The following DIXDC1 variants were observed in gnomAD, a reference collection of about 807,000 sequenced individuals.
DIXDC1 encodes DIX domain containing 1.
Under a neutral mutation model 103.1 loss-of-function variants are expected in DIXDC1, and 64 were observed. The observed-to-expected ratio is 0.62, with a 90% CI of 0.51 to 0.76. The LOEUF is 0.76. Among genes scored for constraint, DIXDC1 ranks in the 30% least tolerant of loss-of-function variants. The pLI, the probability that DIXDC1 is intolerant of heterozygous loss-of-function variation, is 0.00. For synonymous variants in DIXDC1, 266 were observed against 298.5 expected (o/e 0.89, Z 1.12); for missense variants, 759 against 834.2 (o/e 0.91, Z 1.11).
Position 112,018,958 on chromosome 11 carries a change from T to C in DIXDC1, c.1974T>C (p.Ile658=). Residue 658 remains isoleucine (I), a splice_region_variant and synonymous_variant, in exon 20 of 20, where the codon ATT becomes ATC. Coordinates refer to ENST00000440460, the MANE Select transcript of DIXDC1 (RefSeq NM_001037954.4). ...DPEFGTVKEE[I]FHDDDAIPGW... ...TGGCTTTTTGTTTTTTTCTCTAGAT[T>C]TTCCATGATGATGATGCCATCCCTG... 6.2e-7 allele frequency: 1 copy of C among 1,613,472 alleles called. No individual in the cohort carries two copies. The highest frequency in any genetic ancestry group is 8.5e-7 in the Non-Finnish European group (1 of 1,179,596).
At chr11:111,967,466 TTC>T (rs1555171681) in intron 2 of DIXDC1, among the ~76,000 whole-genome samples, 1 of 152,262 alleles carries the variant, frequency 6.6e-6, no homozygotes, top group African/African-American at 2.4e-5. Context: ...GATATCTAAC[TTC>T]TCATCAGTCA....
At chr11:111,997,819 T>C (rs1436244630) in intron 17 of DIXDC1, among the ~76,000 whole-genome samples, 5 of 152,226 alleles carry the variant, frequency 3.3e-5, no homozygotes, top group African/African-American at 9.6e-5. Context: ...AAGATGTTAA[T>C]CTAATGCTTC....
chr11:112,017,781 G>A lies in DIXDC1; in HGVS notation c.1867G>A (p.Glu623Lys). The A allele has an allele frequency of 6.2e-7, 1 of 1,608,168 alleles. No homozygotes were observed. The highest frequency in any genetic ancestry group is 8.5e-7 in the Non-Finnish European group (1 of 1,176,886). ...TGCTCTCTCCTTGTGTTGCAGGTTG[G>A]AGGAGGTGACGTTAAAGGATTTTAA... is the stretch of plus-strand genomic sequence containing the variant. ...PFMVNIPKRL[E>K]EVTLKDFKAA... The change falls in exon 19 of 20, where the codon GAG becomes AAG. Residue 623 changes from glutamate (E) to lysine (K), a missense_variant. By Grantham distance (56) the Glu-to-Lys change is moderately conservative. Transcript: ENST00000440460. This position sits in a 1 kb window ranked among gnomAD's most constrained non-coding sequence, Gnocchi z 4.0.
At chr11:111,947,738 G>A (rs782356593) in intron 1 of DIXDC1, among the ~76,000 whole-genome samples, 5 of 152,194 alleles carry the variant, frequency 3.3e-5, no homozygotes, top group Non-Finnish European at 5.9e-5. Context: ...AGCTCTGATC[G>A]CTGTTAGATG....
chr11:111,997,019 T>C (rs1431435758), intron 17 of DIXDC1, among the ~76,000 whole-genome samples: 1 of 152,220 alleles, frequency 6.6e-6, no homozygotes, highest in African/African-American at 2.4e-5. Flanking sequence ...CCTGGTAATT[T>C]CTATTTTAGT....
chr11:111,934,704 G>A (rs587642358), upstream of DIXDC1, among the ~76,000 whole-genome samples: 3 of 152,052 alleles, frequency 2.0e-5, no homozygotes, highest in East Asian at 5.8e-4. Context: ...GAGCCACTTT[G>A]TAAGGCCAAC....
At chr11:112,016,822 C>A in intron 18 of DIXDC1, 26 bp downstream of exon 18, 1 of 1,568,296 alleles carries the variant, frequency 6.4e-7, no homozygotes, top group Non-Finnish European at 8.7e-7. Flanking sequence ...CATTGTATTT[C>A]ACTGTAAAGA....
chr11:111,974,338 C>T (rs187716034), intron 4 of DIXDC1, 84 bp downstream of exon 4: 307 of 1,341,474 alleles, frequency 2.3e-4, no homozygotes, highest in Non-Finnish European at 2.9e-4. Context: ...TAGATAGAAA[C>T]GTCACCCAAA....
chr11:111,991,207 C>A (rs1038297935), intron 10 of DIXDC1, among the ~76,000 whole-genome samples: 3 of 152,176 alleles, frequency 2.0e-5, no homozygotes, highest in Non-Finnish European at 2.9e-5. Context: ...ATGTGTTCCA[C>A]GGTCAGATAA....
In DIXDC1 at chr11:111,977,760, A is replaced by G; in HGVS notation, c.656+2777A>G. On this transcript the variant is annotated intron_variant, in intron 5 of 19. Coordinates refer to ENST00000440460, the MANE Select transcript of DIXDC1 (RefSeq NM_001037954.4). This position sits in a 1 kb window ranked among gnomAD's most constrained non-coding sequence, Gnocchi z 6.1. ...ACGCAGGCTTGCTGAAGCCCGAGAC[A>G]GGAGGGGGACCATGGGAGGGACGCA... The G allele has an allele frequency of 6.4e-7, 1 of 1,565,984 alleles. No homozygotes were observed. The highest frequency in any genetic ancestry group is 8.7e-7 in the Non-Finnish European group (1 of 1,155,782).
rs782673806 is a variant in DIXDC1, at chr11:111,989,069, C to T, written c.1113+14C>T. Reference sequence around the variant, plus strand: ...CAGGGGATAAAGGTAAAAAAGAAGACATTTAATTCTTTAAATAAAGTCTCT... The same window carrying T: ...CAGGGGATAAAGGTAAAAAAGAAGATATTTAATTCTTTAAATAAAGTCTCT... On this transcript the variant is annotated intron_variant, in intron 10 of 19. Coordinates refer to ENST00000440460, the MANE Select transcript of DIXDC1 (RefSeq NM_001037954.4). The T allele has an allele frequency of 6.9e-6, 11 of 1,589,294 alleles. No individual in the cohort carries two copies. Among genetic ancestry groups the T allele is most frequent in the East Asian group, 2.2e-5 (1 of 44,520 alleles).
rs1861784483 is a variant in DIXDC1 at position 112,022,313 on chromosome 11, C to A, written c.*3277C>A. On this transcript the variant is annotated 3_prime_UTR_variant, in exon 20 of 20. Coordinates refer to ENST00000440460, the MANE Select transcript of DIXDC1 (RefSeq NM_001037954.4). This position sits in a 1 kb window ranked among gnomAD's most constrained non-coding sequence, Gnocchi z 4.9. ...TATGATTGCACACTCCTTCTACTGT[C>A]TGAATTTATGTAAGAGGTATAGCTT... 6.6e-6 allele frequency: 1 copy of A among 152,136 alleles called. No individual in the cohort carries two copies. Among genetic ancestry groups the A allele is most frequent in the African/African-American group, 2.4e-5 (1 of 41,440 alleles). 9.4% of individuals were successfully genotyped at this position (152,136 alleles called of 1,614,324 possible). A position where few individuals can be genotyped will look rare whatever the true frequency, so the allele number is the denominator to read the frequency against.
chr11:112,006,522 C>T (rs587718012), intron 17 of DIXDC1, among the ~76,000 whole-genome samples: 1 of 152,320 alleles, frequency 6.6e-6, no homozygotes, highest in South Asian at 2.1e-4. Context: ...AACTGGGAGA[C>T]ACCTCCCAGT....
At chr11:111,957,479 G>A (rs1334717264) in intron 1 of DIXDC1, among the ~76,000 whole-genome samples, 2 of 152,204 alleles carry the variant, frequency 1.3e-5, no homozygotes, top group Admixed American at 6.5e-5. Flanking sequence ...TTAACCAAGT[G>A]ACTGAAGTTA....
At position 111,937,640 on chromosome 11, in the gene DIXDC1, C is replaced by T. The variant is rs889471876; in HGVS notation, c.60+81C>T. 6 of 1,430,660 alleles carry T rather than the reference C, an allele frequency of 4.2e-6. No individual in the cohort carries two copies. In the African/African-American group the frequency reaches 4.2e-5, roughly 10 times the overall value. 88.6% of individuals were successfully genotyped at this position (1,430,660 alleles called of 1,614,324 possible). On this transcript the variant is annotated intron_variant, in intron 1 of 19. Coordinates refer to ENST00000440460, the MANE Select transcript of DIXDC1 (RefSeq NM_001037954.4). ...AGTCTCCGGAAGGGGTCCTCCTCCT[C>T]CTCCATCCTTTGGGGACCCCAGAGC... is the stretch of plus-strand genomic sequence containing the variant.
intron 1 of DIXDC1, among the ~76,000 whole-genome samples, chr11:111,942,113 CCTT>C (rs1396847270): frequency 1.3e-5 from 2 of 152,212 alleles, no homozygotes; most frequent in African/African-American, 4.8e-5. Context: ...GATTCCCCAA[CCTT>C]CTTTTTTCTA....
At chr11:112,009,385 A>G (rs1173170375) in intron 17 of DIXDC1, among the ~76,000 whole-genome samples, 1 of 152,244 alleles carries the variant, frequency 6.6e-6, no homozygotes, top group Non-Finnish European at 1.5e-5. Flanking sequence ...GGTAGAAAAG[A>G]GGAGCTAGTA....
At chr11:111,971,549 T>C (rs1484005499) in intron 3 of DIXDC1, among the ~76,000 whole-genome samples, 1 of 152,162 alleles carries the variant, frequency 6.6e-6, no homozygotes, top group Non-Finnish European at 1.5e-5. Flanking sequence ...GTTTGGAGAT[T>C]TCTCTAAGAA....
Position 111,992,996 on chromosome 11 carries a change from G to A in DIXDC1, c.1264G>A (p.Glu422Lys), listed in dbSNP as rs1173021532. The change falls in exon 12 of 20, where the codon GAA becomes AAA. Residue 422 changes from glutamate (E) to lysine (K), a missense_variant. Around this residue, in one of 3 missense-constraint regions of DIXDC1, gnomAD observed 657 missense variants for 727.5 expected, o/e 0.90. Coordinates refer to ENST00000440460, the MANE Select transcript of DIXDC1 (RefSeq NM_001037954.4). ...AGATGAGAGGAACCGGCTCTTGGGA[G>A]AATATAAAGTAAGAATGAATATCAG... Reference protein sequence around the residue: ...KLDERNRLLGEYKKELGQKDR... With the variant: ...KLDERNRLLGKYKKELGQKDR... 2 of 1,603,966 alleles carry A rather than the reference G, an allele frequency of 1.2e-6. No individual in the cohort carries two copies. The highest frequency in any genetic ancestry group is 2.7e-5 in the African/African-American group (2 of 74,838).
Sources: allele counts gnomAD v4.1 joint callset (sites outside exome capture counted in the v4.1 genomes callset), GRCh38; gene constraint gnomAD v4.1.1; regional missense constraint gnomAD v4.1.1; non-coding constraint Gnocchi (gnomAD v3.1); transcripts MANE v1.5; gene names NCBI Gene and HGNC (gene_info 2026-07-23, HGNC 2026-07-21).